IGSF9B: variants seen among roughly 807,000 people sequenced by gnomAD.
IGSF9B encodes the protein immunoglobulin superfamily member 9B, also known as protein turtle homolog B.
IGSF9B carries 48 observed loss-of-function variants against 143.7 expected under a neutral mutation model. That is an observed-to-expected ratio of 0.33 (90% CI 0.26 to 0.42). The LOEUF (loss-of-function observed/expected upper bound fraction) is 0.42. IGSF9B is among the 20% of genes least tolerant of loss of function. The pLI, the probability that IGSF9B is intolerant of heterozygous loss-of-function variation, is 1.00. For synonymous variants in IGSF9B, 903 were observed against 833.1 expected, an observed-to-expected ratio of 1.08 and a Z score of -1.44; for missense variants, 1,706 against 1,980.0, an observed-to-expected ratio of 0.86 and a Z score of 2.63.
At chr11:133,923,223 C>T (rs910758924) in intron 15 of IGSF9B, among the ~76,000 whole-genome samples, 3 of 152,208 alleles carry the variant, frequency 2.0e-5, no homozygotes, top group Non-Finnish European at 2.9e-5. Flanking sequence ...TTTCCTGCCT[C>T]ACACCAGTGT....
chr11:133,920,234 A>G lies in IGSF9B; in HGVS notation c.3491T>C (p.Phe1164Ser). 6.6e-7 allele frequency: 1 copy of G among 1,515,998 alleles called. No individual in the cohort carries two copies. The highest frequency in any genetic ancestry group is 8.8e-7 in the Non-Finnish European group (1 of 1,132,186). The allele number at this position is 1,515,998 out of a possible 1,614,324, so 93.9% of individuals were successfully genotyped here. ...EPGAHGGPST[F>S]GLDTRWYEPQ... Reference sequence around the variant, plus strand: ...CTCATACCACCGGGTGTCCAGGCCAAATGTGCTGGGGCCGCCGTGCGCCCC... The same window carrying G: ...CTCATACCACCGGGTGTCCAGGCCAGATGTGCTGGGGCCGCCGTGCGCCCC... The change falls in exon 18 of 20, where the codon TTT becomes TCT. Residue 1164 changes from phenylalanine (F) to serine (S), a missense_variant. This residue lies in a region of IGSF9B where 880 missense variants were observed against 762.9 expected (regional missense o/e 1.15). Coordinates refer to ENST00000533871, the MANE Select transcript of IGSF9B (RefSeq NM_001277285.4).
rs1247966576 is a variant in IGSF9B at position 133,904,614 on chromosome 11, T to G, written c.*4455A>C. ...CCAGATGCCCACCAGGCAATCATTC[T>G]TCGTCATCTTGGGATGATCCCCCAG... On this transcript the variant is annotated 3_prime_UTR_variant, in exon 20 of 20. Transcript: ENST00000533871. Among the ~76,000 whole-genome samples, 1 of 151,982 alleles carries G rather than the reference T, an allele frequency of 6.6e-6. No homozygotes were observed. The highest frequency in any genetic ancestry group is 1.5e-5 in the Non-Finnish European group (1 of 68,012).
intron 3 of IGSF9B, among the ~76,000 whole-genome samples, chr11:133,938,575 G>A (rs78161110): frequency 3.1e-3 from 465 of 152,272 alleles, no homozygotes; most frequent in African/African-American, 0.011. Flanking sequence ...TTGGAGATTT[G>A]ATTAAAACTC....
chr11:133,940,349 G>A lies in IGSF9B; in HGVS notation c.410-2388C>T, dbSNP rs1180882195. Among the ~76,000 whole-genome samples, 14 of 120,258 alleles carry A rather than the reference G, an allele frequency of 1.2e-4. 1 individual carries two copies. The highest frequency in any genetic ancestry group is 1.8e-4 in the Non-Finnish European group (11 of 60,220). 78.9% of individuals were successfully genotyped at this position (120,258 alleles called of 152,430 possible). The stretch of plus-strand genomic sequence containing the variant: ...ATACACCTCGCACGTCCTCGCACGC[G>A]TCATCGCACGCACACACACCTCGCA... On this transcript the variant is annotated intron_variant, in intron 3 of 19. Coordinates refer to ENST00000533871, the MANE Select transcript of IGSF9B (RefSeq NM_001277285.4).
intron 17 of IGSF9B, among the ~76,000 whole-genome samples, chr11:133,921,917 A>T (rs1358743501): frequency 6.6e-6 from 1 of 152,204 alleles, no homozygotes; most frequent in African/African-American, 2.4e-5. Context: ...GGCTGAAGAG[A>T]AACTGATTAC....
chr11:133,921,575 CTTTT>C (rs973072819), intron 17 of IGSF9B, among the ~76,000 whole-genome samples, 178 bp from the exon 18 acceptor site: 1 of 148,984 alleles, frequency 6.7e-6, no homozygotes. Flanking sequence ...GTGAATCCTC[CTTTT>C]TTTTTTAAAG....
At position 133,909,305 on chromosome 11, in the gene IGSF9B, A is replaced by C; in HGVS notation, c.4106-28T>G. 2 of 1,509,372 alleles carry C rather than the reference A, an allele frequency of 1.3e-6. No individual in the cohort carries two copies. The highest frequency in any genetic ancestry group is 1.8e-6 in the Non-Finnish European group (2 of 1,122,812). 93.5% of individuals were successfully genotyped at this position (1,509,372 alleles called of 1,614,324 possible). ...AGGAAGAAAGGAAGAGGGACGCAAA[A>C]GAGAAGCAAGCGGATGAAAAGGAAG... On this transcript the variant is annotated intron_variant, in intron 19 of 19. Coordinates refer to ENST00000533871, the MANE Select transcript of IGSF9B (RefSeq NM_001277285.4). This position sits in a 1 kb window ranked among gnomAD's most constrained non-coding sequence, Gnocchi z 4.2.
chr11:133,945,378 C>A lies in IGSF9B; in HGVS notation c.262+683G>T, dbSNP rs1940027171. ...AGAAAGGCAGGGCAGACCTCAGAAG[C>A]CACCAGCAAAGATGAAAGTGAAGGC... On this transcript the variant is annotated intron_variant, in intron 2 of 19. Transcript: ENST00000533871. This position sits in a 1 kb window ranked among gnomAD's most constrained non-coding sequence, Gnocchi z 4.6. 6.6e-6 allele frequency among the ~76,000 whole-genome samples: 1 copy of A among 152,202 alleles called. No individual in the cohort carries two copies. The highest frequency in any genetic ancestry group is 2.1e-4 in the South Asian group (1 of 4,830).
At chr11:133,919,406 G>A (rs1344274663) in intron 18 of IGSF9B, among the ~76,000 whole-genome samples, 1 of 152,186 alleles carries the variant, frequency 6.6e-6, no homozygotes, top group African/African-American at 2.4e-5. Flanking sequence ...GACTCGGAGA[G>A]CCGTCAACTC....
chr11:133,920,572 C>T lies in IGSF9B; in HGVS notation c.3153G>A (p.Glu1051=). ...GRPEFPFGGL[E]TPAMMFPHQL... ...GGTGGGGGAACATCATCGCTGGGGT[C>T]TCCAGCCCCCCGAAGGGGAATTCTG... is the stretch of plus-strand genomic sequence containing the variant. Residue 1051 remains glutamate (E), a synonymous_variant, in exon 18 of 20, where the codon GAG becomes GAA. Coordinates refer to ENST00000533871, the MANE Select transcript of IGSF9B (RefSeq NM_001277285.4). 1 of 1,613,346 alleles carries T rather than the reference C, an allele frequency of 6.2e-7. No homozygotes were observed. The highest frequency in any genetic ancestry group is 8.5e-7 in the Non-Finnish European group (1 of 1,179,708).
intron 1 of IGSF9B, among the ~76,000 whole-genome samples, chr11:133,947,700 T>C (rs1256840000): frequency 9.2e-6 from 1 of 108,548 alleles, no homozygotes; most frequent in Non-Finnish European, 2.1e-5. Context: ...TGGGCTCCTC[T>C]GTGTTTGTTC....
intron 5 of IGSF9B, among the ~76,000 whole-genome samples, chr11:133,936,887 G>A (rs1939833605): frequency 6.6e-6 from 1 of 152,198 alleles, no homozygotes; most frequent in South Asian, 2.1e-4. Flanking sequence ...CCCTCTCTGG[G>A]GACTCTGGGG....
intron 3 of IGSF9B, among the ~76,000 whole-genome samples, chr11:133,939,851 G>A (rs1474311828): frequency 2.9e-5 from 4 of 138,572 alleles, no homozygotes; most frequent in African/African-American, 8.3e-5. Context: ...GTCATCACAC[G>A]CACAAACACA....
rs1939114234 is a variant in IGSF9B, at chr11:133,901,278, G to C, written c.*7791C>G. ...CTGAACAGAGAGAATACCAAAGGAA[G>C]AGCAGGGAAGGAGGTGGCGTCAAGG... On this transcript the variant is annotated 3_prime_UTR_variant, in exon 20 of 20. Transcript: ENST00000533871. 1 of 152,262 alleles carries C rather than the reference G, an allele frequency of 6.6e-6. No individual in the cohort carries two copies. Among genetic ancestry groups the C allele is most frequent in the Non-Finnish European group, 1.5e-5 (1 of 68,050 alleles). The allele number at this position is 152,262 out of a possible 1,614,324, so 9.4% of individuals were successfully genotyped here.
At chr11:133,935,086 T>C (rs925366169) in intron 7 of IGSF9B, among the ~76,000 whole-genome samples, 1 of 152,186 alleles carries the variant, frequency 6.6e-6, no homozygotes, top group Non-Finnish European at 1.5e-5. Flanking sequence ...GAGCAGCTCA[T>C]TCATCTGGAT....
At position 133,931,536 on chromosome 11, in the gene IGSF9B, C is replaced by G. The variant is rs771265548; in HGVS notation, c.1285G>C (p.Glu429Gln). The change falls in exon 10 of 20, where the codon GAG becomes CAG. Residue 429 changes from glutamate to glutamine, a missense_variant. By Grantham distance (29) the Glu-to-Gln change is conservative. Around this residue, in one of 7 missense-constraint regions of IGSF9B, gnomAD observed 238 missense variants for 452.6 expected, o/e 0.53. Coordinates refer to ENST00000533871, the MANE Select transcript of IGSF9B (RefSeq NM_001277285.4). The surrounding 1 kb of genome is among the most constrained non-coding windows in gnomAD (Gnocchi z 7.7). ...PPYFTVLPGW[E>Q]YRQEAGRELL... ...TCCCGGCCGGCCTCCTGCCTGTACT[C>G]CCAGCCTGGTAGCACCGTGAAATAG... 6.2e-7 allele frequency: 1 copy of G among 1,613,284 alleles called. No homozygotes were observed. Among genetic ancestry groups the G allele is most frequent in the Non-Finnish European group, 8.5e-7 (1 of 1,179,846 alleles).
intron 1 of IGSF9B, 22 bp from the exon 2 acceptor site, chr11:133,946,280 G>A (rs1565448897): frequency 1.2e-6 from 2 of 1,605,488 alleles, no homozygotes; most frequent in Non-Finnish European, 1.7e-6. Flanking sequence ...GGCCAGGTTG[G>A]ACACAGAAAG....
chr11:133,935,811 T>G (rs1348543946), intron 6 of IGSF9B, 49 bp from the exon 7 acceptor site: 1 of 1,589,604 alleles, frequency 6.3e-7, no homozygotes, highest in Non-Finnish European at 8.5e-7. Flanking sequence ...AAGGGGATCT[T>G]GCCGCAGACA....
At chr11:133,922,909 G>A (rs1258270248) in intron 15 of IGSF9B, among the ~76,000 whole-genome samples, 179 bp from the exon 16 acceptor site, 1 of 152,240 alleles carries the variant, frequency 6.6e-6, no homozygotes, top group African/African-American at 2.4e-5. Flanking sequence ...AGGAAGAAGA[G>A]AGGAGAGTCT....
Sources: allele counts gnomAD v4.1 joint callset (sites outside exome capture counted in the v4.1 genomes callset), GRCh38; gene constraint gnomAD v4.1.1; regional missense constraint gnomAD v4.1.1; non-coding constraint Gnocchi (gnomAD v3.1); transcripts MANE v1.5; gene names NCBI Gene and HGNC (gene_info 2026-07-23, HGNC 2026-07-21).